Variants in CDH17 observed in about 807,000 individuals in gnomAD.
CDH17 encodes cadherin 17.
CDH17 carries 67 observed loss-of-function variants against 86.3 expected under a neutral mutation model. The ratio of observed to expected loss-of-function variants is 0.78; its 90% CI spans 0.64 to 0.95. CDH17 has a LOEUF of 0.95. CDH17 is among the 40% of genes least tolerant of loss of function. The probability of loss-of-function intolerance (pLI) is 0.00; values close to 1 mark genes in which losing one functional copy is unlikely to be tolerated. For synonymous variants in CDH17, 367 were observed against 366.4 expected, an observed-to-expected ratio of 1.00 and a Z score of -0.02; for missense variants, 993 against 1,017.6, an observed-to-expected ratio of 0.98 and a Z score of 0.33.
chr8:94,168,625 A>AT (rs1241527962), intron 9 of CDH17, among the ~76,000 whole-genome samples: 1 of 152,128 alleles, frequency 6.6e-6, no homozygotes, highest in East Asian at 1.9e-4. Context: ...ACTCTGAAAT[A>AT]TTTTTACAAA....
At chr8:94,133,082 G>A (rs141744043) in intron 15 of CDH17, among the ~76,000 whole-genome samples, 297 of 152,292 alleles carry the variant, frequency 2.0e-3, no homozygotes, top group Non-Finnish European at 3.7e-3. Flanking sequence ...TTGTAGTATA[G>A]TTTGAAGTCA....
intron 9 of CDH17, 94 bp from the exon 10 acceptor site, chr8:94,166,070 C>A: frequency 1.4e-6 from 1 of 740,510 alleles, no homozygotes; most frequent in Non-Finnish European, 2.3e-6. Context: ...CTAGAAAACA[C>A]CATGAATAAC....
intron 15 of CDH17, among the ~76,000 whole-genome samples, chr8:94,135,226 G>A (rs1812498886): frequency 6.6e-6 from 1 of 152,180 alleles, no homozygotes; most frequent in Non-Finnish European, 1.5e-5. Context: ...TTAACCTTCT[G>A]TCTCATTGAT....
At chr8:94,155,960 C>T (rs1186833634) in intron 12 of CDH17, among the ~76,000 whole-genome samples, 2 of 152,180 alleles carry the variant, frequency 1.3e-5, no homozygotes, top group African/African-American at 2.4e-5. Flanking sequence ...GCTAAATTAG[C>T]ACATGGTAAT....
At chr8:94,170,230 T>C (rs1199693782) in intron 9 of CDH17, among the ~76,000 whole-genome samples, 167 bp downstream of exon 9, 2 of 152,138 alleles carry the variant, frequency 1.3e-5, no homozygotes, top group Non-Finnish European at 2.9e-5. Context: ...CCAGATACTG[T>C]TTGATCCCAA....
intron 2 of CDH17, among the ~76,000 whole-genome samples, chr8:94,194,423 C>T (rs1040818966): frequency 9.2e-5 from 14 of 152,204 alleles, no homozygotes; most frequent in African/African-American, 3.1e-4. Flanking sequence ...AAAGAAAATA[C>T]ATTCCCTAGT....
At chr8:94,182,259 A>T (rs1434574553) in intron 3 of CDH17, among the ~76,000 whole-genome samples, 1 of 152,146 alleles carries the variant, frequency 6.6e-6, no homozygotes, top group Non-Finnish European at 1.5e-5. Context: ...AGTAAGGAAC[A>T]CTTATTCAAT....
chr8:94,189,970 CA>C (rs1488946442), intron 2 of CDH17, among the ~76,000 whole-genome samples: 4 of 152,138 alleles, frequency 2.6e-5, no homozygotes, highest in Non-Finnish European at 4.4e-5. Context: ...TTCCAAAATC[CA>C]AAGACCCTAA....
intron 8 of CDH17, 85 bp from the exon 9 acceptor site, chr8:94,170,632 T>C: frequency 1.2e-5 from 17 of 1,461,376 alleles, no homozygotes; most frequent in Non-Finnish European, 1.6e-5. Context: ...CATTTCTATG[T>C]CATTTACTCC....
In CDH17 at chr8:94,194,671, G is replaced by A. The variant is rs750313409; in HGVS notation, c.15C>T (p.Ala5=). The A allele has an allele frequency of 1.2e-5, 20 of 1,605,982 alleles. No individual in the cohort carries two copies. Among genetic ancestry groups the A allele is most frequent in the Non-Finnish European group, 1.6e-5 (19 of 1,174,532 alleles). MILQ[A]HLHSLCLLML... ...TAAGAAGACACAGGGAGTGAAGATG[G>A]GCCTGAAGTATCATAGTTTTCTTTA... Residue 5 remains alanine, a synonymous_variant, in exon 2 of 18, where the codon GCC becomes GCT. Transcript: ENST00000027335.
chr8:94,147,198 C>CAGAACCTGCCTGCTGCTTCACTG (rs1812761086), intron 14 of CDH17, among the ~76,000 whole-genome samples: 1 of 152,120 alleles, frequency 6.6e-6, no homozygotes. Flanking sequence ...AAGGCTCAGC[C>CAGAACCTGCCTGCTGCTTCACTG]AGAACCTGCC....
In CDH17 at chr8:94,162,161, A is replaced by C. The variant is rs779072784; in HGVS notation, c.1284T>G (p.Asp428Glu). The C allele has an allele frequency of 1.9e-6, 3 of 1,595,282 alleles. No individual in the cohort carries two copies. The South Asian group carries it at 3.3e-5, about 18-fold the overall frequency. Residue 428 changes from aspartate (D) to glutamate (E), a missense_variant and splice_region_variant, in exon 11 of 18, where the codon GAT becomes GAG. Coordinates refer to ENST00000027335, the MANE Select transcript of CDH17 (RefSeq NM_004063.4). The stretch of plus-strand genomic sequence containing the variant: ...TTTGCACAAAACAAAGGGTCTTGAA[A>C]TCTGAAAACCAAAGTCATATGTCAT... Reference protein sequence around the residue: ...YNLTIEVSDKDFKTLCFVQIN... With the variant: ...YNLTIEVSDKEFKTLCFVQIN...
rs745546338 is a variant in CDH17, at chr8:94,165,855, G to A, written c.1188C>T (p.Ile396=). ...PKLPMDGLFL[I]QTYAGMLQLA... is the part of the protein sequence containing the mutation. ...ACTGTAACATTCCAGCATAGGTTTG[G>A]ATTAGGAAGAGTCCATCCATGGGAA... Residue 396 remains isoleucine (I), a synonymous_variant, in exon 10 of 18, where the codon ATC becomes ATT. Coordinates refer to ENST00000027335, the MANE Select transcript of CDH17 (RefSeq NM_004063.4). 175 of 1,613,764 alleles carry A rather than the reference G, an allele frequency of 1.1e-4. 1 individual carries two copies. In the Middle Eastern group the frequency reaches 1.3e-3, roughly 12 times the overall value.
At chr8:94,201,631 T>C (rs561541403) in intron 1 of CDH17, among the ~76,000 whole-genome samples, 2 of 152,338 alleles carry the variant, frequency 1.3e-5, no homozygotes, top group Non-Finnish European at 2.9e-5. Flanking sequence ...ACTGAGATGG[T>C]AAATATCTGC....
intron 1 of CDH17, among the ~76,000 whole-genome samples, chr8:94,215,398 T>C (rs1444093378): frequency 6.6e-6 from 1 of 152,106 alleles, no homozygotes; most frequent in Non-Finnish European, 1.5e-5. Flanking sequence ...AAAAAAAGCC[T>C]AATATTATAT....
At chr8:94,196,284 T>G (rs1813785184) in intron 1 of CDH17, among the ~76,000 whole-genome samples, 1 of 152,234 alleles carries the variant, frequency 6.6e-6, no homozygotes, top group African/African-American at 2.4e-5. Flanking sequence ...TACATTTGCA[T>G]AACTTATATT....
chr8:94,175,775 C>A (rs1813359575), intron 5 of CDH17, among the ~76,000 whole-genome samples: 1 of 152,118 alleles, frequency 6.6e-6, no homozygotes, highest in Non-Finnish European at 1.5e-5. Context: ...AGCTGGAAAC[C>A]ACCAGTGACA....
chr8:94,190,483 G>A (rs538073386), intron 2 of CDH17, among the ~76,000 whole-genome samples: 1 of 152,284 alleles, frequency 6.6e-6, no homozygotes, highest in East Asian at 1.9e-4. Context: ...GCCACGTTGG[G>A]GCACCCTCTA....
At chr8:94,193,221 C>A (rs922059085) in intron 2 of CDH17, among the ~76,000 whole-genome samples, 11 of 152,162 alleles carry the variant, frequency 7.2e-5, no homozygotes, top group Non-Finnish European at 1.5e-4. Flanking sequence ...ATGTTCCCTT[C>A]TCAGACAAGA....
Sources: allele counts gnomAD v4.1 joint callset (sites outside exome capture counted in the v4.1 genomes callset), GRCh38; gene constraint gnomAD v4.1.1; transcripts MANE v1.5; gene names NCBI Gene and HGNC (gene_info 2026-07-23, HGNC 2026-07-21).